SLC39A11: variants seen among roughly 807,000 people sequenced by gnomAD.
The protein encoded by SLC39A11 is zinc transporter ZIP11.
SLC39A11 carries 33 observed loss-of-function variants against 36.1 expected under a neutral mutation model. The ratio of observed to expected loss-of-function variants is 0.91; its 90% CI spans 0.69 to 1.22. The LOEUF (loss-of-function observed/expected upper bound fraction) is 1.22, where lower values mean the gene tolerates loss of function less well. Ranked by LOEUF, SLC39A11 falls within the 50% of genes most tolerant of loss-of-function variation. SLC39A11 has a pLI of 0.00. For synonymous variants in SLC39A11, 166 were observed against 170.3 expected (o/e 0.97, Z 0.20); for missense variants, 432 against 430.3 (o/e 1.00, Z -0.03).
intron 5 of SLC39A11, among the ~76,000 whole-genome samples, chr17:72,875,119 A>C (rs770873420): frequency 1.2e-4 from 18 of 152,180 alleles, no homozygotes; most frequent in Non-Finnish European, 2.4e-4. Flanking sequence ...GGGAAGAAAA[A>C]ACTGGTGCAA....
chr17:72,903,474 G>C (rs949182314), intron 5 of SLC39A11, among the ~76,000 whole-genome samples: 2 of 152,020 alleles, frequency 1.3e-5, no homozygotes, highest in Non-Finnish European at 2.9e-5. Context: ...AATCAAAGTT[G>C]CTCACGCTCT....
intron 6 of SLC39A11, among the ~76,000 whole-genome samples, chr17:72,792,112 A>T (rs1184612592): frequency 6.6e-6 from 1 of 152,210 alleles, no homozygotes; most frequent in Non-Finnish European, 1.5e-5. Context: ...CACCTTAAAT[A>T]GTATGAAAAT....
chr17:72,665,389 G>GTTTTTTTT (rs780329919), intron 7 of SLC39A11, among the ~76,000 whole-genome samples: 1,818 of 76,500 alleles, frequency 0.024, 284 homozygotes, highest in African/African-American at 0.086. Flanking sequence ...GTTTTGAGGT[G>GTTTTTTTT]TTTTTTTTTT....
Position 72,841,907 on chromosome 17 carries a change from C to CAA in SLC39A11, c.601+7725_601+7726dup, listed in dbSNP as rs36098047. Among the ~76,000 whole-genome samples, 229 of 145,456 alleles carry CAA rather than the reference C, an allele frequency of 1.6e-3. 6 individuals are homozygous for CAA. The East Asian group carries it at 0.026, about 17-fold the overall frequency. ...CAAAACCCTGTCTCTACAAAAAATACAAAAAAAAAAAGAAATTAGCTGGGT... is the reference window on the plus strand; with the variant it reads ...CAAAACCCTGTCTCTACAAAAAATACAAAAAAAAAAAAAGAAATTAGCTGGGT... On this transcript the variant is annotated intron_variant, in intron 6 of 9. Coordinates refer to ENST00000255559, the MANE Select transcript of SLC39A11 (RefSeq NM_139177.4).
At chr17:73,015,315 C>T (rs1409535554) in intron 4 of SLC39A11, among the ~76,000 whole-genome samples, 1 of 152,160 alleles carries the variant, frequency 6.6e-6, no homozygotes, top group Non-Finnish European at 1.5e-5. Flanking sequence ...AGTCCCTGGG[C>T]CTTTGGTTTC....
intron 6 of SLC39A11, among the ~76,000 whole-genome samples, chr17:72,815,036 C>T (rs1423965172): frequency 6.6e-6 from 1 of 152,236 alleles, no homozygotes; most frequent in African/African-American, 2.4e-5. Flanking sequence ...AAACCACCCA[C>T]ATCTTGTCCA....
chr17:72,956,224 A>G (rs1048069117), intron 4 of SLC39A11, among the ~76,000 whole-genome samples: 3 of 152,258 alleles, frequency 2.0e-5, no homozygotes, highest in Admixed American at 1.3e-4. Context: ...TTTAAGCTAC[A>G]TAAGTACGCC....
chr17:73,036,443 G>GTT (rs71154949), intron 3 of SLC39A11, among the ~76,000 whole-genome samples: 2 of 151,222 alleles, frequency 1.3e-5, no homozygotes, highest in Non-Finnish European at 2.9e-5. Context: ...TTTGTTTTTT[G>GTT]TTTTTTTTCT....
chr17:72,828,103 C>T (rs1341179367), intron 6 of SLC39A11, among the ~76,000 whole-genome samples: 1 of 152,174 alleles, frequency 6.6e-6, no homozygotes, highest in African/African-American at 2.4e-5. Flanking sequence ...TAAAATAATA[C>T]ATGCTATGGT....
chr17:72,854,388 C>T (rs976427195), intron 5 of SLC39A11, among the ~76,000 whole-genome samples: 3 of 151,746 alleles, frequency 2.0e-5, no homozygotes, highest in East Asian at 1.9e-4. Flanking sequence ...CAGTTGCTGC[C>T]GTGAGAAGGA....
intron 2 of SLC39A11, among the ~76,000 whole-genome samples, chr17:73,086,779 C>T (rs2060744807): frequency 6.6e-6 from 1 of 152,124 alleles, no homozygotes; most frequent in Non-Finnish European, 1.5e-5. Context: ...GAGATCATGC[C>T]ACTGAACCCC....
At chr17:73,057,899 T>C (rs2059719411) in intron 3 of SLC39A11, among the ~76,000 whole-genome samples, 1 of 152,146 alleles carries the variant, frequency 6.6e-6, no homozygotes, top group Non-Finnish European at 1.5e-5. Context: ...ATCGTGCCAC[T>C]GCACTCCAGC....
At chr17:72,982,183 G>C (rs977788101) in intron 4 of SLC39A11, among the ~76,000 whole-genome samples, 56 of 152,220 alleles carry the variant, frequency 3.7e-4, no homozygotes, top group Admixed American at 3.3e-3. Flanking sequence ...TATAGGGATG[G>C]GGTATGGATA....
At chr17:72,848,706 G>T (rs2079160365) in intron 6 of SLC39A11, among the ~76,000 whole-genome samples, 1 of 141,808 alleles carries the variant, frequency 7.1e-6, no homozygotes, top group Non-Finnish European at 1.5e-5. Flanking sequence ...GGGGGACAGA[G>T]CAAGACTCTG....
At position 72,910,623 on chromosome 17, in the gene SLC39A11, C is replaced by CAA. The variant is rs759842114; in HGVS notation, c.430+37127_430+37128dup. ...TGGGCAACAGAGCAAGACTCCGTCT[C>CAA]AAAAAAAAAAAAAAAAAAAAAGGCT... On this transcript the variant is annotated intron_variant, in intron 5 of 9. Transcript: ENST00000255559. Among the ~76,000 whole-genome samples, 57 of 49,988 alleles carry CAA rather than the reference C, an allele frequency of 1.1e-3. 2 individuals carry two copies. The highest frequency in any genetic ancestry group is 2.2e-3 in the African/African-American group (23 of 10,464). The allele number at this position is 49,988 out of a possible 152,430, so 32.8% of individuals were successfully genotyped here. A position where few individuals can be genotyped will look rare whatever the true frequency, so the allele number is the denominator to read the frequency against.
At chr17:72,670,074 G>A (rs145071703) in intron 7 of SLC39A11, among the ~76,000 whole-genome samples, 213 of 131,578 alleles carry the variant, frequency 1.6e-3, no homozygotes, top group Non-Finnish European at 7.3e-4. Flanking sequence ...ATATATATAC[G>A]TATAGATGTA....
chr17:72,687,599 AAACTGTAG>A (rs1373822773), intron 7 of SLC39A11, among the ~76,000 whole-genome samples: 8 of 152,158 alleles, frequency 5.3e-5, no homozygotes, highest in African/African-American at 1.9e-4. Flanking sequence ...CACCCACCAT[AAACTGTAG>A]AACTCTGTGG....
intron 3 of SLC39A11, among the ~76,000 whole-genome samples, chr17:73,035,841 G>A (rs2058892141): frequency 7.2e-6 from 1 of 138,692 alleles, no homozygotes; most frequent in Admixed American, 7.6e-5. Context: ...TCCAGCCTGG[G>A]TGACAGAGCG....
At chr17:73,006,454 G>T (rs1169406367) in intron 4 of SLC39A11, among the ~76,000 whole-genome samples, 3 of 152,144 alleles carry the variant, frequency 2.0e-5, no homozygotes, top group Admixed American at 1.3e-4. Context: ...AGAAGGGAAA[G>T]GAAGGGGAAG....
Sources: allele counts gnomAD v4.1 joint callset (sites outside exome capture counted in the v4.1 genomes callset), GRCh38; gene constraint gnomAD v4.1.1; transcripts MANE v1.5; gene names NCBI Gene and HGNC (gene_info 2026-07-23, HGNC 2026-07-21).